TRAPPC9: variants seen among roughly 807,000 people sequenced by gnomAD.
TRAPPC9 encodes trafficking protein particle complex subunit 9.
Under a neutral mutation model 124.0 loss-of-function variants are expected in TRAPPC9, and 83 were observed. That is an observed-to-expected ratio of 0.67 (90% CI 0.56 to 0.80). The LOEUF (loss-of-function observed/expected upper bound fraction) is 0.80, where lower values mean the gene tolerates loss of function less well. Among genes scored for constraint, TRAPPC9 ranks in the 30% least tolerant of loss-of-function variants. The pLI, the probability that TRAPPC9 is intolerant of heterozygous loss-of-function variation, is 0.00. For synonymous variants in TRAPPC9, 638 were observed against 617.5 expected, an observed-to-expected ratio of 1.03 and a Z score of -0.49; for missense variants, 1,302 against 1,508.3, an observed-to-expected ratio of 0.86 and a Z score of 2.27.
intron 21 of TRAPPC9, among the ~76,000 whole-genome samples, chr8:139,844,638 C>A (rs1298587389): frequency 2.0e-5 from 3 of 152,146 alleles, no homozygotes; most frequent in African/African-American, 7.2e-5. Flanking sequence ...GGAAGAGAGG[C>A]AGGTAAGAGC....
Position 139,979,275 on chromosome 8 carries a change from G to A in TRAPPC9, c.2810+9451C>T, listed in dbSNP as rs375279553. Among the ~76,000 whole-genome samples the A allele has an allele frequency of 6.4e-4, 98 of 152,258 alleles. No homozygotes were observed. In the South Asian group the frequency reaches 0.018, roughly 29 times the overall value. ...GTGAGAGCCTGGGAGTGAAGGCTCCGGTGGGACCACCTGCCCCAGGAAGGA... is the reference window on the plus strand; with the variant it reads ...GTGAGAGCCTGGGAGTGAAGGCTCCAGTGGGACCACCTGCCCCAGGAAGGA... On this transcript the variant is annotated intron_variant, in intron 19 of 22. Transcript: ENST00000438773.
At chr8:140,453,030 A>T (rs2071524691) in intron 1 of TRAPPC9, among the ~76,000 whole-genome samples, 1 of 152,204 alleles carries the variant, frequency 6.6e-6, no homozygotes, top group African/African-American at 2.4e-5. Flanking sequence ...GGTATATAGG[A>T]TCCCTCAGTA....
chr8:140,025,663 G>A (rs759467881), intron 17 of TRAPPC9, among the ~76,000 whole-genome samples: 5 of 151,886 alleles, frequency 3.3e-5, no homozygotes, highest in East Asian at 1.9e-4. Context: ...CACTAGATTC[G>A]TGCAGATTTG....
chr8:139,808,398 T>C (rs1222786976), intron 21 of TRAPPC9, among the ~76,000 whole-genome samples: 1 of 152,130 alleles, frequency 6.6e-6, no homozygotes, highest in Non-Finnish European at 1.5e-5. Flanking sequence ...GAGGTGAAGG[T>C]TGCAGTGAGC....
intron 21 of TRAPPC9, among the ~76,000 whole-genome samples, chr8:139,766,025 T>A (rs1820563952): frequency 6.6e-6 from 1 of 152,232 alleles, no homozygotes; most frequent in Admixed American, 6.5e-5. Flanking sequence ...ACATCATCAC[T>A]GTGTAATTTC....
At chr8:139,762,511 C>A (rs767456523) in intron 21 of TRAPPC9, among the ~76,000 whole-genome samples, 1 of 152,088 alleles carries the variant, frequency 6.6e-6, no homozygotes, top group Admixed American at 6.5e-5. Context: ...ACCTGTACAG[C>A]GTGTGACTGT....
chr8:140,234,916 T>C (rs1225912925), intron 16 of TRAPPC9, among the ~76,000 whole-genome samples: 1 of 152,236 alleles, frequency 6.6e-6, no homozygotes, highest in African/African-American at 2.4e-5. Context: ...AAACAAAAAT[T>C]AGTGCTAACC....
chr8:140,305,940 C>T (rs914047296), intron 10 of TRAPPC9, among the ~76,000 whole-genome samples: 1 of 152,212 alleles, frequency 6.6e-6, no homozygotes, highest in Non-Finnish European at 1.5e-5. Flanking sequence ...TACAAGACTA[C>T]TGAACAAAAG....
intron 21 of TRAPPC9, among the ~76,000 whole-genome samples, chr8:139,823,002 G>T (rs1216877728): frequency 6.6e-6 from 1 of 152,154 alleles, no homozygotes; most frequent in Non-Finnish European, 1.5e-5. Flanking sequence ...CCTTTCCTCA[G>T]GTGTGTGCAG....
intron 17 of TRAPPC9, among the ~76,000 whole-genome samples, chr8:140,220,461 T>C (rs555136561): frequency 1.4e-3 from 219 of 152,236 alleles, no homozygotes; most frequent in Non-Finnish European, 2.6e-3. Context: ...TCTCCAGGAA[T>C]GGGGCACTCC....
chr8:140,359,906 G>A, intron 9 of TRAPPC9, 144 bp downstream of exon 9: 1 of 1,167,618 alleles, frequency 8.6e-7, no homozygotes. Flanking sequence ...CCAAGGCATG[G>A]GGCAGGGACC....
intron 10 of TRAPPC9, among the ~76,000 whole-genome samples, chr8:140,306,624 C>T (rs2066145051): frequency 6.6e-6 from 1 of 151,962 alleles, no homozygotes; most frequent in South Asian, 2.1e-4. Flanking sequence ...CACATTAAAG[C>T]GTGCACATTT....
chr8:139,844,082 C>G (rs55898912), intron 21 of TRAPPC9, among the ~76,000 whole-genome samples: 2,547 of 152,300 alleles, frequency 0.017, 39 homozygotes, highest in Middle Eastern at 0.041. Flanking sequence ...AGCGGCTTCC[C>G]AGAGACCCAT....
At chr8:140,319,699 C>T (rs1386980279) in intron 9 of TRAPPC9, among the ~76,000 whole-genome samples, 1 of 149,614 alleles carries the variant, frequency 6.7e-6, no homozygotes, top group Admixed American at 6.7e-5. Context: ...AATTCTGGGA[C>T]TCAAGTGATC....
chr8:140,193,279 C>T (rs761564336), intron 17 of TRAPPC9, among the ~76,000 whole-genome samples: 18 of 152,126 alleles, frequency 1.2e-4, no homozygotes, highest in Non-Finnish European at 2.2e-4. Context: ...ATTTCCCCCA[C>T]GGGAATAAAT....
chr8:140,272,126 GTGGCGA>G (rs1554657962), intron 15 of TRAPPC9, among the ~76,000 whole-genome samples: 3 of 146,686 alleles, frequency 2.0e-5, no homozygotes, highest in African/African-American at 7.7e-5. Context: ...AATGGTGATG[GTGGCGA>G]TGGTGATGGT....
intron 21 of TRAPPC9, among the ~76,000 whole-genome samples, chr8:139,867,208 A>G (rs1438336540): frequency 6.6e-6 from 1 of 152,224 alleles, no homozygotes; most frequent in African/African-American, 2.4e-5. Context: ...TATGTTTGAG[A>G]TGAACCTGGA....
intron 21 of TRAPPC9, among the ~76,000 whole-genome samples, chr8:139,816,331 T>C (rs1586908978): frequency 1.3e-5 from 2 of 152,204 alleles, no homozygotes; most frequent in African/African-American, 4.8e-5. Context: ...CAGATGCTGG[T>C]GAGGCTTTGG....
intron 8 of TRAPPC9, among the ~76,000 whole-genome samples, chr8:140,369,422 A>G (rs992987772): frequency 6.6e-6 from 1 of 152,200 alleles, no homozygotes; most frequent in Non-Finnish European, 1.5e-5. Context: ...ACTGCATGGC[A>G]TGGGGGCAGG....
Sources: gnomAD v4.1 joint callset for allele counts (sites outside exome capture counted in the v4.1 genomes callset) on GRCh38, gnomAD v4.1.1 for gene constraint, MANE v1.5 for transcripts, NCBI Gene and HGNC (gene_info 2026-07-23, HGNC 2026-07-21) for gene names.